Variants in MAST4 observed in about 807,000 individuals in gnomAD.
The protein encoded by MAST4 is microtubule associated serine/threonine kinase family member 4, also known as microtubule-associated serine/threonine-protein kinase 4.
MAST4 carries 89 observed loss-of-function variants against 162.7 expected under a neutral mutation model. The ratio of observed to expected loss-of-function variants is 0.55; its 90% CI spans 0.46 to 0.65. The LOEUF (loss-of-function observed/expected upper bound fraction) is 0.65. MAST4 is among the 30% of genes least tolerant of loss of function. The pLI is 0.00. For missense variants in MAST4, 3,153 were observed against 3,374.0 expected, an observed-to-expected ratio of 0.93 and a Z score of 1.62; for synonymous variants, 1,479 against 1,361.1, an observed-to-expected ratio of 1.09 and a Z score of -1.91.
intron 1 of MAST4, among the ~76,000 whole-genome samples, chr5:66,632,172 A>C (rs943580414): frequency 5.3e-5 from 8 of 152,222 alleles, no homozygotes; most frequent in African/African-American, 1.9e-4. Context: ...CCACAACTTC[A>C]GAATATGGTG....
intron 3 of MAST4, among the ~76,000 whole-genome samples, chr5:66,831,133 T>G (rs578074995): frequency 6.6e-6 from 1 of 152,290 alleles, no homozygotes; most frequent in South Asian, 2.1e-4. Flanking sequence ...CCAATAAATA[T>G]TGTTGAAAAC....
In MAST4 at chr5:66,793,406, C is replaced by A. The variant is rs185287615; in HGVS notation, c.642+4612C>A. ...TCATTTTCCCATTTGCTTCTTCCATCTTTCTGTCCCTCCCCACACACATGG... is the reference window on the plus strand; with the variant it reads ...TCATTTTCCCATTTGCTTCTTCCATATTTCTGTCCCTCCCCACACACATGG... On this transcript the variant is annotated intron_variant, in intron 3 of 28. Coordinates refer to ENST00000403625, the MANE Select transcript of MAST4 (RefSeq NM_001164664.2). 1.2e-3 allele frequency among the ~76,000 whole-genome samples: 189 copies of A among 152,300 alleles called. 2 individuals are homozygous for A. The highest frequency in any genetic ancestry group is 4.5e-3 in the African/African-American group (185 of 41,564).
intron 6 of MAST4, chr5:67,094,223 T>C: frequency 7.9e-7 from 1 of 1,261,194 alleles, no homozygotes; most frequent in African/African-American, 1.5e-5. Flanking sequence ...CACTTGAATT[T>C]TTCCGTCTTG....
chr5:67,136,597 C>T lies in MAST4; in HGVS notation c.2427C>T (p.Pro809=), dbSNP rs1451748437. The T allele has an allele frequency of 6.2e-7, 1 of 1,606,942 alleles. No individual in the cohort carries two copies. Among genetic ancestry groups the T allele is most frequent in the East Asian group, 2.2e-5 (1 of 44,674 alleles). Residue 809 remains proline (P), a synonymous_variant, in exon 19 of 29, where the codon CCC becomes CCT. Transcript: ENST00000403625. ...ACTGGCCTGAGAAGGATGAGGCACC[C>T]CCACCTGATGCCCAGGATCTGATTA... The part of the protein sequence containing the change: ...EINWPEKDEA[P]PPDAQDLITL...
chr5:66,629,119 G>T (rs142714575), intron 1 of MAST4, among the ~76,000 whole-genome samples: 3 of 152,186 alleles, frequency 2.0e-5, no homozygotes, highest in African/African-American at 7.2e-5. Context: ...GCAGGCTGAG[G>T]TCTTTCGGAA....
intron 1 of MAST4, among the ~76,000 whole-genome samples, chr5:66,667,616 T>G (rs992868617): frequency 2.6e-5 from 4 of 152,206 alleles, no homozygotes; most frequent in Non-Finnish European, 5.9e-5. Flanking sequence ...TAGTTAATTC[T>G]TTGTCCTTGT....
chr5:66,985,050 A>G (rs1191400272), intron 4 of MAST4, among the ~76,000 whole-genome samples: 1 of 152,184 alleles, frequency 6.6e-6, no homozygotes, highest in East Asian at 1.9e-4. Context: ...GACTGGATGA[A>G]GTCAACTAGT....
At chr5:67,145,437 G>C in intron 23 of MAST4, 58 bp downstream of exon 23, 2 of 1,496,790 alleles carry the variant, frequency 1.3e-6, no homozygotes, top group Non-Finnish European at 1.8e-6. Flanking sequence ...GTCTCCTAGT[G>C]CTCAGTCCCA....
chr5:66,786,871 C>T (rs1329803003), intron 2 of MAST4, among the ~76,000 whole-genome samples: 1 of 152,128 alleles, frequency 6.6e-6, no homozygotes, highest in South Asian at 2.1e-4. Flanking sequence ...AATTAATTGA[C>T]ATTTGCTACA....
intron 3 of MAST4, among the ~76,000 whole-genome samples, chr5:66,887,776 C>T (rs926799273): frequency 6.6e-6 from 1 of 152,206 alleles, no homozygotes; most frequent in Non-Finnish European, 1.5e-5. Flanking sequence ...ACTGCAATGG[C>T]AGCCACAGCT....
intron 3 of MAST4, among the ~76,000 whole-genome samples, chr5:66,884,912 A>G (rs1276027566): frequency 1.3e-5 from 2 of 152,232 alleles, no homozygotes; most frequent in East Asian, 1.9e-4. Context: ...GGCACAGTTA[A>G]TAACGTCTTC....
chr5:66,752,792 G>A (rs1753268913), intron 1 of MAST4, among the ~76,000 whole-genome samples: 1 of 150,546 alleles, frequency 6.6e-6, no homozygotes, highest in Non-Finnish European at 1.5e-5. Flanking sequence ...GCACCAAGCG[G>A]ACCTAATAGA....
At chr5:67,018,333 C>A (rs1045020055) in intron 4 of MAST4, among the ~76,000 whole-genome samples, 1 of 152,118 alleles carries the variant, frequency 6.6e-6, no homozygotes, top group Non-Finnish European at 1.5e-5. Flanking sequence ...AGTTCAAGAC[C>A]AGCCTAGGCA....
chr5:66,762,259 T>TA (rs35176103), intron 2 of MAST4, among the ~76,000 whole-genome samples: 22,616 of 150,032 alleles, frequency 0.15, 1,909 homozygotes, highest in East Asian at 0.41. Context: ...TTAGAAGAGC[T>TA]AAAAAAAAAA....
chr5:67,095,688 C>CTTTT lies in MAST4; in HGVS notation c.912+25_912+28dup. The CTTTT allele has an allele frequency of 2.6e-5, 34 of 1,309,290 alleles. No individual in the cohort carries two copies. The highest frequency in any genetic ancestry group is 2.1e-4 in the South Asian group (13 of 61,576). The allele number at this position is 1,309,290 out of a possible 1,614,324, so 81.1% of individuals were successfully genotyped here. A position where few individuals can be genotyped will look rare whatever the true frequency, so the allele number is the denominator to read the frequency against. On this transcript the variant is annotated intron_variant, in intron 7 of 28. Transcript: ENST00000403625. ...CTCTACGGTCTCTGTAAGTGCCTGA[C>CTTTT]TTTTTTTTTTTTTTTCTCTTCCTCA... is the stretch of plus-strand genomic sequence containing the variant.
intron 4 of MAST4, among the ~76,000 whole-genome samples, chr5:67,037,595 G>A (rs967459213): frequency 4.6e-5 from 7 of 152,128 alleles, no homozygotes; most frequent in Admixed American, 2.0e-4. Flanking sequence ...TATCAGGGAA[G>A]CAGTTTTCTT....
chr5:67,107,325 A>G (rs1451797405), intron 10 of MAST4, among the ~76,000 whole-genome samples: 2 of 152,232 alleles, frequency 1.3e-5, no homozygotes, highest in East Asian at 3.8e-4. Context: ...TTCACAGATC[A>G]TGTGAATGGG....
chr5:67,002,484 C>T (rs1751402746), intron 4 of MAST4, among the ~76,000 whole-genome samples: 2 of 152,158 alleles, frequency 1.3e-5, no homozygotes, highest in Non-Finnish European at 2.9e-5. Flanking sequence ...ATTGGAAAGA[C>T]AGCAGTAAAC....
At chr5:66,834,257 G>A (rs1757802762) in intron 3 of MAST4, among the ~76,000 whole-genome samples, 1 of 152,164 alleles carries the variant, frequency 6.6e-6, no homozygotes, top group Admixed American at 6.5e-5. Context: ...GTGACAGGGA[G>A]CCATTACCAC....
Sources: gnomAD v4.1 joint callset for allele counts (sites outside exome capture counted in the v4.1 genomes callset) on GRCh38, gnomAD v4.1.1 for gene constraint, MANE v1.5 for transcripts, NCBI Gene and HGNC (gene_info 2026-07-23, HGNC 2026-07-21) for gene names.